DNAJB11: variants seen among roughly 807,000 people sequenced by gnomAD.
DNAJB11 encodes the protein DnaJ heat shock protein family (Hsp40) member B11.
A neutral mutation model predicts 47.2 loss-of-function variants in DNAJB11; 30 were observed. The ratio of observed to expected loss-of-function variants is 0.64; its 90% CI spans 0.48 to 0.86. The LOEUF (loss-of-function observed/expected upper bound fraction) is 0.86. Among genes scored for constraint, DNAJB11 ranks in the 40% least tolerant of loss-of-function variants. DNAJB11 has a pLI of 0.00. For synonymous variants in DNAJB11, 151 were observed against 159.9 expected (o/e 0.94, Z 0.42); for missense variants, 357 against 440.2 (o/e 0.81, Z 1.69).
chr3:186,572,565 C>T (rs956234927), intron 2 of DNAJB11, among the ~76,000 whole-genome samples: 4 of 152,188 alleles, frequency 2.6e-5, no homozygotes, highest in African/African-American at 9.7e-5. Flanking sequence ...TAGTCTTGAA[C>T]TTATTATAGA....
At chr3:186,578,112 C>T (rs1359974277) in intron 4 of DNAJB11, 1 of 165,588 alleles carries the variant, frequency 6.0e-6, no homozygotes, top group Non-Finnish European at 1.3e-5. Flanking sequence ...TTTTGCCATT[C>T]TTACTTTATC....
intron 1 of DNAJB11, 57 bp downstream of exon 1, chr3:186,571,022 T>TGGGTGGGGGGGGGGGG: frequency 8.6e-5 from 18 of 208,248 alleles, no homozygotes; most frequent in East Asian, 2.0e-4. Flanking sequence ...TGCTGGGGGG[T>TGGGTGGGGGGGGGGGG]GGGAGGGGGT....
chr3:186,572,793 CT>C (rs1017203408), intron 2 of DNAJB11, among the ~76,000 whole-genome samples: 2 of 152,208 alleles, frequency 1.3e-5, no homozygotes, highest in Non-Finnish European at 2.9e-5. Context: ...AAACTGAAGC[CT>C]TCTGGCCCCA....
At position 186,576,620 on chromosome 3, in the gene DNAJB11, G is replaced by A. The variant is rs115489911; in HGVS notation, c.323+683G>A. Among the ~76,000 whole-genome samples, 709 of 152,250 alleles carry A rather than the reference G, an allele frequency of 4.7e-3. 2 individuals carry two copies. The highest frequency in any genetic ancestry group is 0.016 in the African/African-American group (668 of 41,530). ...TTTCTTCAGATTCTCAAAGGGTTCT[G>A]TGAACCCTTCCCCAAAAGAAGTAAG... On this transcript the variant is annotated intron_variant, in intron 3 of 9. Transcript: ENST00000265028.
chr3:186,571,959 A>G lies in DNAJB11; in HGVS notation c.69-136A>G, dbSNP rs562998711. On this transcript the variant is annotated intron_variant, in intron 1 of 9. Coordinates refer to ENST00000265028, the MANE Select transcript of DNAJB11 (RefSeq NM_016306.6). Reference sequence around the variant, plus strand: ...CTCTTTAGTCATTCTTTGTGTGTGTATGTGTCACATAAACCTTCATTTTTA... The same window carrying G: ...CTCTTTAGTCATTCTTTGTGTGTGTGTGTGTCACATAAACCTTCATTTTTA... The G allele has an allele frequency of 1.2e-4, 69 of 597,086 alleles. No individual in the cohort carries two copies. The African/African-American group carries it at 1.2e-3, about 10-fold the overall frequency. The allele number at this position is 597,086 out of a possible 1,614,324, so 37.0% of individuals were successfully genotyped here.
intron 6 of DNAJB11, 109 bp downstream of exon 6, chr3:186,582,186 C>T (rs372977627): frequency 1.3e-5 from 11 of 822,732 alleles, no homozygotes; most frequent in African/African-American, 5.2e-5. Context: ...ACATAGTAAA[C>T]GCATATATAA....
intron 3 of DNAJB11, among the ~76,000 whole-genome samples, chr3:186,576,756 C>T (rs949407336): frequency 6.6e-6 from 1 of 151,906 alleles, no homozygotes; most frequent in East Asian, 1.9e-4. Flanking sequence ...ATGATTAGGA[C>T]ATCTTTTCCC....
rs1715481614 is a variant in DNAJB11, at chr3:186,581,457, C to T, written c.543C>T (p.Gly181=). The T allele has an allele frequency of 1.2e-6, 2 of 1,613,648 alleles. No homozygotes were observed. The highest frequency in any genetic ancestry group is 1.7e-6 in the Non-Finnish European group (2 of 1,179,958). Residue 181 remains glycine (G), a synonymous_variant, in exon 5 of 10, where the codon GGC becomes GGT. Coordinates refer to ENST00000265028, the MANE Select transcript of DNAJB11 (RefSeq NM_016306.6). ...CRQEMRTTQL[G]PGRFQMTQEV... ...AAGAGATGCGGACCACCCAGCTGGG[C>T]CCTGGGCGCTTCCAAATGACCCAGG...
intron 4 of DNAJB11, chr3:186,578,311 G>A (rs1046322963): frequency 6.6e-6 from 1 of 151,992 alleles, no homozygotes; most frequent in East Asian, 1.9e-4. Flanking sequence ...GTTTCTTCCA[G>A]TTTTATTCAA....
chr3:186,571,081 T>G, intron 1 of DNAJB11, 116 bp downstream of exon 1: 1 of 973,760 alleles, frequency 1.0e-6, no homozygotes, highest in South Asian at 1.6e-5. Flanking sequence ...GGCATCGCTG[T>G]GGGTTGGCGG....
chr3:186,585,450 C>A lies in DNAJB11; in HGVS notation c.*42C>A. On this transcript the variant is annotated 3_prime_UTR_variant, in exon 10 of 10. Transcript: ENST00000265028. ...ACTTTGTTTAAAATAAGTGAATAAGCGATATTTATTATCTGCAAGGTTTTT... is the reference window on the plus strand; with the variant it reads ...ACTTTGTTTAAAATAAGTGAATAAGAGATATTTATTATCTGCAAGGTTTTT... The A allele has an allele frequency of 6.9e-7, 1 of 1,454,546 alleles. No homozygotes were observed. Among genetic ancestry groups the A allele is most frequent in the Non-Finnish European group, 9.5e-7 (1 of 1,055,790 alleles). The allele number at this position is 1,454,546 out of a possible 1,614,324, so 90.1% of individuals were successfully genotyped here.
At chr3:186,582,675 A>G (rs1431530857) in intron 6 of DNAJB11, 41 bp from the exon 7 acceptor site, 4 of 1,514,272 alleles carry the variant, frequency 2.6e-6, no homozygotes, top group Non-Finnish European at 3.6e-6. Flanking sequence ...GTGGTATTCA[A>G]CTTGTATGAT....
At chr3:186,578,299 T>C (rs1012106804) in intron 4 of DNAJB11, 10 of 152,228 alleles carry the variant, frequency 6.6e-5, no homozygotes, top group African/African-American at 2.4e-4. Flanking sequence ...ATAGGCATTT[T>C]TGTTTCTTCC....
In DNAJB11 at chr3:186,579,155, G is replaced by A. The variant is rs551879752; in HGVS notation, c.456+1355G>A. ...ACCTATATTTTCTGCTAAAACTCTG[G>A]GATCTTTTAATATGAGGTTATTCAT... On this transcript the variant is annotated intron_variant, in intron 4 of 9. Transcript: ENST00000265028. 3.9e-5 allele frequency: 6 copies of A among 152,066 alleles called. No individual in the cohort carries two copies. In the South Asian group the frequency reaches 1.2e-3, roughly 32 times the overall value. 9.4% of individuals were successfully genotyped at this position (152,066 alleles called of 1,614,324 possible).
In DNAJB11 at chr3:186,577,779, A is replaced by G; in HGVS notation, c.435A>G (p.Val145=). The G allele has an allele frequency of 3.7e-6, 6 of 1,602,604 alleles. 1 individual carries two copies. The South Asian group carries it at 6.8e-5, about 18-fold the overall frequency. The change falls in exon 4 of 10, where the codon GTA becomes GTG. Residue 145 remains valine (V), a synonymous_variant. Coordinates refer to ENST00000265028, the MANE Select transcript of DNAJB11 (RefSeq NM_016306.6). ...ATCTAGAAGTCACTTTGGAAGAAGT[A>G]TATGCAGGAAATTTTGTGGAAGTAA... The part of the protein sequence containing the change: ...IVDLEVTLEE[V]YAGNFVEVVR...
At position 186,571,025 on chromosome 3, in the gene DNAJB11, G is replaced by C. The variant is rs1429255679; in HGVS notation, c.68+60G>C. 1.1e-4 allele frequency: 104 copies of C among 963,936 alleles called. 2 individuals are homozygous for C. The highest frequency in any genetic ancestry group is 2.2e-4 in the Middle Eastern group (1 of 4,472). 59.7% of individuals were successfully genotyped at this position (963,936 alleles called of 1,614,324 possible). On this transcript the variant is annotated intron_variant, in intron 1 of 9. Coordinates refer to ENST00000265028, the MANE Select transcript of DNAJB11 (RefSeq NM_016306.6). ...TGGGTCAGCCTTTGCTGGGGGGTGG[G>C]AGGGGGTGGGGGAAGTGGCATTGCC... is the stretch of plus-strand genomic sequence containing the variant.
At chr3:186,575,990 G>A (rs916955637) in intron 3 of DNAJB11, 53 bp downstream of exon 3, 3 of 1,306,110 alleles carry the variant, frequency 2.3e-6, no homozygotes, top group African/African-American at 2.9e-5. Flanking sequence ...GGGTCACTTA[G>A]CGATTAAAGA....
chr3:186,571,093 G>T, intron 1 of DNAJB11, 128 bp downstream of exon 1: 1 of 868,730 alleles, frequency 1.2e-6, no homozygotes, highest in Non-Finnish European at 1.7e-6. Flanking sequence ...GGTTGGCGGG[G>T]TGGCGGAGGA....
Position 186,582,069 on chromosome 3 carries a change from T to A in DNAJB11, c.674T>A (p.Ile225Asn). ...AGAGACGGCATGGAGTACCCCTTTA[T>A]TGGAGAAGGTGAAATATTGATATTT... ...GVRDGMEYPF[I>N]GEGEPHVDGE... The change falls in exon 6 of 10, where the codon ATT (isoleucine) becomes AAT (asparagine). Residue 225 changes from isoleucine to asparagine, a missense_variant. Transcript: ENST00000265028. 6.2e-7 allele frequency: 1 copy of A among 1,612,370 alleles called. No individual in the cohort carries two copies. The highest frequency in any genetic ancestry group is 8.5e-7 in the Non-Finnish European group (1 of 1,178,518).
Sources: allele counts gnomAD v4.1 joint callset (sites outside exome capture counted in the v4.1 genomes callset), GRCh38; gene constraint gnomAD v4.1.1; transcripts MANE v1.5; gene names NCBI Gene and HGNC (gene_info 2026-07-23, HGNC 2026-07-21).